Variants in GFRA3 observed in about 807,000 individuals in gnomAD.
GFRA3 encodes GDNF family receptor alpha-3.
In GFRA3, 24 loss-of-function variants were observed where a neutral mutation model predicts 40.0. The observed-to-expected ratio is 0.60, with a 90% CI of 0.43 to 0.84. GFRA3 has a LOEUF of 0.84. Among genes scored for constraint, GFRA3 ranks in the 40% least tolerant of loss-of-function variants. The pLI is 0.00. For synonymous variants in GFRA3, 203 were observed against 213.5 expected (o/e 0.95, Z 0.43); for missense variants, 405 against 530.6 (o/e 0.76, Z 2.33).
intron 4 of GFRA3, among the ~76,000 whole-genome samples, 159 bp from the exon 5 acceptor site, chr5:138,254,319 C>G (rs1423339551): frequency 3.9e-5 from 6 of 151,942 alleles, no homozygotes; most frequent in Admixed American, 1.3e-4. Flanking sequence ...TCCCGAGTAG[C>G]TGGGACTACA....
At chr5:138,272,649 A>G (rs1755892944) in intron 1 of GFRA3, among the ~76,000 whole-genome samples, 2 of 151,650 alleles carry the variant, frequency 1.3e-5, no homozygotes, top group South Asian at 4.2e-4. Context: ...TCTCAAAAAA[A>G]AAATCAGATT....
At chr5:138,261,630 G>T (rs1755711445) in intron 2 of GFRA3, among the ~76,000 whole-genome samples, 1 of 141,966 alleles carries the variant, frequency 7.0e-6, no homozygotes, top group Non-Finnish European at 1.5e-5. Context: ...GGAGGCAGAG[G>T]TTGCAGTGAG....
chr5:138,270,177 C>T (rs1401642788), intron 1 of GFRA3, among the ~76,000 whole-genome samples: 11 of 113,334 alleles, frequency 9.7e-5, no homozygotes, highest in African/African-American at 3.3e-4. Context: ...CTGGCTAAAA[C>T]AGTGAAACCC....
At chr5:138,253,233 T>C in intron 7 of GFRA3, 54 bp downstream of exon 7, 2 of 1,253,382 alleles carry the variant, frequency 1.6e-6, no homozygotes, top group Non-Finnish European at 1.1e-6. Context: ...CTAGTTTGGG[T>C]TTTCCCCAGC....
intron 4 of GFRA3, among the ~76,000 whole-genome samples, chr5:138,257,032 C>CT (rs1317893478): frequency 6.6e-6 from 1 of 151,988 alleles, no homozygotes; most frequent in African/African-American, 2.4e-5. Context: ...CACCGGTACT[C>CT]TACACCACTC....
chr5:138,255,014 GGA>G (rs1755606774), intron 4 of GFRA3, among the ~76,000 whole-genome samples: 3 of 132,826 alleles, frequency 2.3e-5, no homozygotes, highest in African/African-American at 7.7e-5. Context: ...AAGGAAGGAA[GGA>G]GAGAGAGAGG....
intron 2 of GFRA3, among the ~76,000 whole-genome samples, chr5:138,262,064 T>C (rs377581012): frequency 6.6e-6 from 1 of 152,172 alleles, no homozygotes; most frequent in Non-Finnish European, 1.5e-5. Flanking sequence ...ATCAAAGATA[T>C]AAGCAGCAAT....
rs1019027357 is a variant in GFRA3 at position 138,256,432 on chromosome 5, G to T, written c.785+1207C>A. ...AGTCCCAGCTACTTGGGAGGCTGAGGCAGGAGAATCACTTGAACCTGGGAG... is the reference window on the plus strand; with the variant it reads ...AGTCCCAGCTACTTGGGAGGCTGAGTCAGGAGAATCACTTGAACCTGGGAG... On this transcript the variant is annotated intron_variant, in intron 4 of 7. Transcript: ENST00000274721. Among the ~76,000 whole-genome samples the T allele has an allele frequency of 6.8e-4, 103 of 151,264 alleles. 1 individual carries two copies. The highest frequency in any genetic ancestry group is 2.4e-3 in the African/African-American group (100 of 41,178).
At chr5:138,256,546 A>C (rs546469696) in intron 4 of GFRA3, among the ~76,000 whole-genome samples, 1,397 of 128,922 alleles carry the variant, frequency 0.011, 11 homozygotes, top group Non-Finnish European at 0.013. Context: ...CAAACAAAAA[A>C]AAACAAACAA....
Position 138,252,921 on chromosome 5 carries a change from G to A in GFRA3, c.*47C>T. The A allele has an allele frequency of 9.7e-7, 1 of 1,032,894 alleles. No homozygotes were observed. The highest frequency in any genetic ancestry group is 1.5e-6 in the Non-Finnish European group (1 of 654,234). The allele number at this position is 1,032,894 out of a possible 1,614,324, so 64.0% of individuals were successfully genotyped here. A position where few individuals can be genotyped will look rare whatever the true frequency, so the allele number is the denominator to read the frequency against. ...TTTCCTCACCCCTTGTGGGCTGCAA[G>A]TCCACCTGGGTGTGGTGGAGGGGAA... On this transcript the variant is annotated 3_prime_UTR_variant, in exon 8 of 8. Coordinates refer to ENST00000274721, the MANE Select transcript of GFRA3 (RefSeq NM_001496.4).
rs1475150533 is a variant in GFRA3, at chr5:138,274,488, G to T, written c.-64C>A. Reference sequence around the variant, plus strand: ...CCTCCCCTGGAGCTCTGAGAGCGGGGCTCCCTCGACCGGCACCTCCCGCCC... The same window carrying T: ...CCTCCCCTGGAGCTCTGAGAGCGGGTCTCCCTCGACCGGCACCTCCCGCCC... On this transcript the variant is annotated 5_prime_UTR_variant, in exon 1 of 8. Transcript: ENST00000274721. 48 of 1,245,490 alleles carry T rather than the reference G, an allele frequency of 3.9e-5. No individual in the cohort carries two copies. Among genetic ancestry groups the T allele is most frequent in the Non-Finnish European group, 4.7e-5 (47 of 993,996 alleles). 77.2% of individuals were successfully genotyped at this position (1,245,490 alleles called of 1,614,324 possible). A position where few individuals can be genotyped will look rare whatever the true frequency, so the allele number is the denominator to read the frequency against.
intron 3 of GFRA3, 55 bp downstream of exon 3, chr5:138,259,502 T>G: frequency 1.2e-6 from 1 of 826,190 alleles, no homozygotes; most frequent in Non-Finnish European, 2.2e-6. Context: ...CCAGCCACCC[T>G]TCCTCCAGGG....
intron 1 of GFRA3, among the ~76,000 whole-genome samples, chr5:138,270,792 G>GAA (rs903224200): frequency 6.7e-6 from 1 of 149,740 alleles, no homozygotes; most frequent in African/African-American, 2.5e-5. Context: ...TGTACAAGAT[G>GAA]AAAAAAAAAG....
intron 2 of GFRA3, among the ~76,000 whole-genome samples, chr5:138,263,355 C>G (rs958298434): frequency 2.0e-5 from 3 of 152,158 alleles, no homozygotes; most frequent in Non-Finnish European, 1.5e-5. Flanking sequence ...GAAATGAATA[C>G]TTTGACAATG....
At chr5:138,266,354 A>G (rs1001808975) in intron 1 of GFRA3, among the ~76,000 whole-genome samples, 5 of 152,204 alleles carry the variant, frequency 3.3e-5, no homozygotes, top group Non-Finnish European at 5.9e-5. Flanking sequence ...ATTAAAAAAA[A>G]TTATAACCAT....
At position 138,259,595 on chromosome 5, in the gene GFRA3, C is replaced by G; in HGVS notation, c.434G>C (p.Trp145Ser). Residue 145 changes from tryptophan (W) to serine (S), a missense_variant, in exon 3 of 8, where the codon TGG becomes TCG. By Grantham distance (177) the Trp-to-Ser change is radical. Coordinates refer to ENST00000274721, the MANE Select transcript of GFRA3 (RefSeq NM_001496.4). ...GTTCAGTTTGCTGAGATTCATTTTCCAGGGTTTGCTGGTCACTGTGTCTTC... is the reference window on the plus strand; with the variant it reads ...GTTCAGTTTGCTGAGATTCATTTTCGAGGGTTTGCTGGTCACTGTGTCTTC... ...PYEDTVTSKP[W>S]KMNLSKLNML... is the part of the protein sequence containing the mutation. The G allele has an allele frequency of 6.3e-7, 1 of 1,574,902 alleles. No individual in the cohort carries two copies.
At chr5:138,264,589 A>T (rs766376302) in intron 1 of GFRA3, 41 bp from the exon 2 acceptor site, 2 of 1,381,862 alleles carry the variant, frequency 1.4e-6, no homozygotes, top group South Asian at 2.7e-5. Context: ...TAAGATTAGA[A>T]TAGCTGTCTG....
chr5:138,273,924 T>A (rs1213091130), intron 1 of GFRA3, among the ~76,000 whole-genome samples: 1 of 152,206 alleles, frequency 6.6e-6, no homozygotes, highest in East Asian at 1.9e-4. Flanking sequence ...TCCTCAGTCC[T>A]TAAAGCAGAT....
chr5:138,260,639 C>T (rs1315286435), intron 2 of GFRA3, among the ~76,000 whole-genome samples: 1 of 152,066 alleles, frequency 6.6e-6, no homozygotes, highest in Non-Finnish European at 1.5e-5. Context: ...CATGGTGGCG[C>T]ATGCCTGTAA....
Sources: gnomAD v4.1 joint callset for allele counts (sites outside exome capture counted in the v4.1 genomes callset) on GRCh38, gnomAD v4.1.1 for gene constraint, MANE v1.5 for transcripts, NCBI Gene and HGNC (gene_info 2026-07-23, HGNC 2026-07-21) for gene names.